Variants in RFWD3 observed in about 807,000 individuals in gnomAD.
RFWD3 encodes ring finger and WD repeat domain 3, also known as E3 ubiquitin-protein ligase RFWD3.
RFWD3 carries 65 observed loss-of-function variants against 87.7 expected under a neutral mutation model. The ratio of observed to expected loss-of-function variants is 0.74; its 90% CI spans 0.61 to 0.91. The LOEUF (loss-of-function observed/expected upper bound fraction) is 0.91. RFWD3 is among the 40% of genes least tolerant of loss of function. RFWD3 has a pLI of 0.00. For synonymous variants in RFWD3, 433 were observed against 352.8 expected (o/e 1.23, Z -2.55); for missense variants, 1,078 against 938.5 (o/e 1.15, Z -1.94).
intron 8 of RFWD3, 108 bp from the exon 9 acceptor site, chr16:74,632,781 C>T: frequency 5.1e-6 from 5 of 980,570 alleles, no homozygotes; most frequent in Non-Finnish European, 7.5e-6. Context: ...CGTATAAGTC[C>T]TTGGGAACCA....
At chr16:74,635,306 T>TA (rs991987835) in intron 8 of RFWD3, among the ~76,000 whole-genome samples, 54 of 144,208 alleles carry the variant, frequency 3.7e-4, no homozygotes, top group Admixed American at 4.9e-4. Flanking sequence ...AAATAAAAAA[T>TA]AAAAAAAAAA....
chr16:74,659,579 A>ATT lies in RFWD3; in HGVS notation c.518+1352_518+1353insAA, dbSNP rs1961268098. On this transcript the variant is annotated intron_variant, in intron 2 of 12. Coordinates refer to ENST00000361070, the MANE Select transcript of RFWD3 (RefSeq NM_018124.4). Reference sequence around the variant, plus strand: ...CACTGCACTCCAGCCTGAGTGACAGAGCAAGACTCTTGTCTTAAAAACAAA... The same window carrying ATT: ...CACTGCACTCCAGCCTGAGTGACAGATTGCAAGACTCTTGTCTTAAAAACAAA... Among the ~76,000 whole-genome samples, 4 of 147,430 alleles carry ATT rather than the reference A, an allele frequency of 2.7e-5. No homozygotes were observed. In the Admixed American group the frequency reaches 2.7e-4, roughly 10 times the overall value.
At chr16:74,627,507 AGTAAGCTGATTCC>A (rs1958972397) in intron 11 of RFWD3, among the ~76,000 whole-genome samples, 1 of 152,100 alleles carries the variant, frequency 6.6e-6, no homozygotes, top group Non-Finnish European at 1.5e-5. Context: ...GGATCTGTCA[AGTAAGCTGATTCC>A]GTTATTTCCT....
rs759327850 is a variant in RFWD3, at chr16:74,628,674, G to C, written c.1755-8C>G. On this transcript the variant is annotated splice_region_variant and splice_polypyrimidine_tract_variant and intron_variant, in intron 10 of 12. Transcript: ENST00000361070. ...AGGGAGACCAGTGGGCATCTGAAAGGAAAGTAAGGAAACTGTATCTCACAC... is the reference window on the plus strand; with the variant it reads ...AGGGAGACCAGTGGGCATCTGAAAGCAAAGTAAGGAAACTGTATCTCACAC... The C allele has an allele frequency of 2.5e-6, 4 of 1,613,638 alleles. No homozygotes were observed. Among genetic ancestry groups the C allele is most frequent in the East Asian group, 2.2e-5 (1 of 44,882 alleles).
chr16:74,647,048 C>G (rs2144225954), intron 4 of RFWD3, among the ~76,000 whole-genome samples: 1 of 151,602 alleles, frequency 6.6e-6, no homozygotes, highest in Admixed American at 6.6e-5. Context: ...GATCATGCCA[C>G]TGCACTCCAG....
At chr16:74,663,360 T>C (rs1404290139) in intron 1 of RFWD3, among the ~76,000 whole-genome samples, 2 of 151,916 alleles carry the variant, frequency 1.3e-5, no homozygotes, top group African/African-American at 2.4e-5. Flanking sequence ...GGAGGAAACA[T>C]GGGAATGTGG....
chr16:74,656,420 T>G (rs758599981), intron 2 of RFWD3, among the ~76,000 whole-genome samples: 9 of 152,008 alleles, frequency 5.9e-5, no homozygotes, highest in Non-Finnish European at 1.2e-4. Context: ...AGATGATAGC[T>G]GCCAGTGATT....
At position 74,628,660 on chromosome 16, in the gene RFWD3, T is replaced by C. The variant is rs1221832447; in HGVS notation, c.1761A>G (p.Pro587=). 2.5e-6 allele frequency: 4 copies of C among 1,614,064 alleles called. No individual in the cohort carries two copies. Among genetic ancestry groups the C allele is most frequent in the Non-Finnish European group, 3.4e-6 (4 of 1,180,010 alleles). The change falls in exon 11 of 13, where the codon CCA becomes CCG. Residue 587 remains proline, a synonymous_variant. Transcript: ENST00000361070. ...QELVAQKARC[P]LVSLSYMPRA... ...TGGGCATGTATGACAGGGAGACCAG[T>C]GGGCATCTGAAAGGAAAGTAAGGAA...
intron 4 of RFWD3, among the ~76,000 whole-genome samples, chr16:74,645,745 C>CTTTTTTTTT (rs71376293): frequency 2.7e-5 from 2 of 74,212 alleles, no homozygotes; most frequent in Non-Finnish European, 4.7e-5. Flanking sequence ...CAAATATTTT[C>CTTTTTTTTT]TTTTTTTTTT....
At chr16:74,649,736 C>G (rs1482562251) in intron 3 of RFWD3, among the ~76,000 whole-genome samples, 1 of 152,144 alleles carries the variant, frequency 6.6e-6, no homozygotes, top group African/African-American at 2.4e-5. Context: ...TTATTGCAAT[C>G]AGAATCCAAA....
At chr16:74,632,460 A>T in intron 9 of RFWD3, 63 bp downstream of exon 9, 1 of 1,546,878 alleles carries the variant, frequency 6.5e-7, no homozygotes, top group Non-Finnish European at 8.9e-7. Context: ...TAACACCGAT[A>T]CGAATTCCAT....
Position 74,661,185 on chromosome 16 carries a change from C to A in RFWD3, c.265G>T (p.Asp89Tyr), listed in dbSNP as rs1260845545. ...DLTEVEVLGEDTVENINPRTS... is the reference protein window; with the variant it reads ...DLTEVEVLGEYTVENINPRTS... ...CTTGGATTGATGTTCTCCACAGTGT[C>A]TTCTCCCAAGACCTCCACTTCTGTC... The change falls in exon 2 of 13, where the codon GAC becomes TAC. Residue 89 changes from aspartate to tyrosine, a missense_variant. Asp to Tyr is a radical substitution (Grantham distance 160). Coordinates refer to ENST00000361070, the MANE Select transcript of RFWD3 (RefSeq NM_018124.4). 6.2e-7 allele frequency: 1 copy of A among 1,614,102 alleles called. No individual in the cohort carries two copies. The highest frequency in any genetic ancestry group is 8.5e-7 in the Non-Finnish European group (1 of 1,180,046).
chr16:74,634,593 T>G (rs1959178123), intron 8 of RFWD3, among the ~76,000 whole-genome samples: 1 of 152,084 alleles, frequency 6.6e-6, no homozygotes, highest in Non-Finnish European at 1.5e-5. Context: ...CTCACTATGT[T>G]GCCCAGACTG....
chr16:74,659,269 TGACA>T (rs935679750), intron 2 of RFWD3, among the ~76,000 whole-genome samples: 4 of 152,314 alleles, frequency 2.6e-5, no homozygotes, highest in African/African-American at 9.6e-5. Context: ...AGAGGCCTCC[TGACA>T]GTCAGCCAGC....
intron 2 of RFWD3, among the ~76,000 whole-genome samples, chr16:74,658,245 C>G (rs1042972772): frequency 3.9e-5 from 6 of 152,178 alleles, no homozygotes; most frequent in African/African-American, 1.4e-4. Flanking sequence ...ACCAATATAT[C>G]TAGGGCAAAG....
At chr16:74,631,900 G>A (rs1159057435) in intron 9 of RFWD3, among the ~76,000 whole-genome samples, 4 of 152,104 alleles carry the variant, frequency 2.6e-5, no homozygotes, top group Admixed American at 1.3e-4. Flanking sequence ...GATTACAGGC[G>A]TGAGCCACCA....
At chr16:74,639,313 C>T (rs569917078) in intron 6 of RFWD3, among the ~76,000 whole-genome samples, 1 of 152,312 alleles carries the variant, frequency 6.6e-6, no homozygotes, top group East Asian at 1.9e-4. Flanking sequence ...GCTGGGATTA[C>T]AGGTGTGAGC....
At chr16:74,664,099 CAAT>C (rs1404103306) in intron 1 of RFWD3, among the ~76,000 whole-genome samples, 3 of 152,198 alleles carry the variant, frequency 2.0e-5, no homozygotes, top group Non-Finnish European at 4.4e-5. Flanking sequence ...GCAAACTGAA[CAAT>C]GTGAGATACT....
intron 4 of RFWD3, among the ~76,000 whole-genome samples, chr16:74,647,432 C>T (rs1478532919): frequency 6.6e-6 from 1 of 152,052 alleles, no homozygotes; most frequent in Non-Finnish European, 1.5e-5. Flanking sequence ...GGACTATAGG[C>T]ACGCACCACC....
Sources: gnomAD v4.1 joint callset for allele counts (sites outside exome capture counted in the v4.1 genomes callset) on GRCh38, gnomAD v4.1.1 for gene constraint, MANE v1.5 for transcripts, NCBI Gene and HGNC (gene_info 2026-07-23, HGNC 2026-07-21) for gene names.